DOCK3: variants seen among roughly 807,000 people sequenced by gnomAD.
The protein encoded by DOCK3 is dedicator of cytokinesis 3, also known as dedicator of cytokinesis protein 3.
In DOCK3, 60 loss-of-function variants were observed where a neutral mutation model predicts 265.6. That is an observed-to-expected ratio of 0.23 (90% CI 0.18 to 0.28). The LOEUF (loss-of-function observed/expected upper bound fraction) is 0.28, where lower values mean the gene tolerates loss of function less well. DOCK3 is among the 10% of genes least tolerant of loss of function. DOCK3 has a pLI of 1.00. For synonymous variants in DOCK3, 881 were observed against 938.0 expected, an observed-to-expected ratio of 0.94 and a Z score of 1.11; for missense variants, 1,981 against 2,594.3, an observed-to-expected ratio of 0.76 and a Z score of 5.14.
At chr3:50,685,888 G>C (rs1376484366) in intron 1 of DOCK3, 1 of 153,692 alleles carries the variant, frequency 6.5e-6, no homozygotes, top group Non-Finnish European at 1.5e-5. Flanking sequence ...TAATTGAGTT[G>C]TTTGGTTTTT....
chr3:51,304,251 C>T (rs2082521903), intron 27 of DOCK3, among the ~76,000 whole-genome samples: 2 of 152,058 alleles, frequency 1.3e-5, no homozygotes, highest in African/African-American at 2.4e-5. Context: ...TCCCCAGCAC[C>T]AGCAGGGGAA....
chr3:51,219,311 CTCTG>C (rs1250770726), intron 14 of DOCK3, among the ~76,000 whole-genome samples: 1 of 152,138 alleles, frequency 6.6e-6, no homozygotes, highest in Admixed American at 6.5e-5. Flanking sequence ...CTTTTGTGTG[CTCTG>C]TCTGCTTATT....
chr3:51,239,094 T>C (rs1226461326), intron 21 of DOCK3, among the ~76,000 whole-genome samples: 1 of 152,244 alleles, frequency 6.6e-6, no homozygotes. Flanking sequence ...TAAGCATTCA[T>C]TTTTCTCTGC....
intron 12 of DOCK3, among the ~76,000 whole-genome samples, chr3:51,175,169 C>T (rs1184076545): frequency 6.6e-6 from 1 of 152,190 alleles, no homozygotes; most frequent in Non-Finnish European, 1.5e-5. Flanking sequence ...TCAGGCTTGC[C>T]TCCAGTGGCA....
At chr3:50,884,868 T>C (rs2048247065) in intron 3 of DOCK3, among the ~76,000 whole-genome samples, 1 of 152,166 alleles carries the variant, frequency 6.6e-6, no homozygotes, top group South Asian at 2.1e-4. Flanking sequence ...TTTGTTATAA[T>C]GGATGAACCA....
Position 51,382,749 on chromosome 3 carries a change from T to C in DOCK3, c.*1190T>C, listed in dbSNP as rs956941299. Reference sequence around the variant, plus strand: ...AGGCCATGGGGACCACCACTCAGGGTTCGGGGCTGGCAGGAGGGTAGTTTC... The same window carrying C: ...AGGCCATGGGGACCACCACTCAGGGCTCGGGGCTGGCAGGAGGGTAGTTTC... On this transcript the variant is annotated 3_prime_UTR_variant, in exon 53 of 53. Coordinates refer to ENST00000266037, the MANE Select transcript of DOCK3 (RefSeq NM_004947.5). 3 of 152,546 alleles carry C rather than the reference T, an allele frequency of 2.0e-5. No individual in the cohort carries two copies. Among genetic ancestry groups the C allele is most frequent in the Middle Eastern group, 6.8e-3 (2 of 294 alleles). The allele number at this position is 152,546 out of a possible 1,614,324, so 9.4% of individuals were successfully genotyped here. A position where few individuals can be genotyped will look rare whatever the true frequency, so the allele number is the denominator to read the frequency against.
At chr3:50,872,759 C>G (rs1039104435) in intron 3 of DOCK3, among the ~76,000 whole-genome samples, 2 of 152,166 alleles carry the variant, frequency 1.3e-5, no homozygotes, top group African/African-American at 4.8e-5. Flanking sequence ...CACAAGACAC[C>G]ATCCTTCCCC....
intron 43 of DOCK3, 59 bp downstream of exon 43, chr3:51,356,552 G>C: frequency 6.4e-7 from 1 of 1,554,002 alleles, no homozygotes; most frequent in East Asian, 2.2e-5. Context: ...CCCAGCTCTG[G>C]GGGCCCTTCT....
chr3:51,045,910 C>T (rs2080758688), intron 5 of DOCK3, among the ~76,000 whole-genome samples: 1 of 151,662 alleles, frequency 6.6e-6, no homozygotes, highest in South Asian at 2.1e-4. Context: ...TATAGATTTC[C>T]AGGATGTTTA....
intron 5 of DOCK3, among the ~76,000 whole-genome samples, chr3:51,001,279 C>T (rs1329199285): frequency 6.6e-6 from 1 of 152,224 alleles, no homozygotes. Context: ...AAAAGACTGA[C>T]TTTCCTGTAA....
intron 5 of DOCK3, among the ~76,000 whole-genome samples, chr3:50,993,461 G>A (rs2078178247): frequency 6.6e-6 from 1 of 152,128 alleles, no homozygotes. Context: ...GGAATGACTG[G>A]AAATAGAAAT....
Position 51,381,006 on chromosome 3 carries a change from G to C in DOCK3, c.5584-44G>C, listed in dbSNP as rs370254369. ...CTTCCTATGGCGGGCAAGTCAGCCT[G>C]TCTGGAGAGAGGGATTCTAACATGC... is the stretch of plus-strand genomic sequence containing the variant. On this transcript the variant is annotated intron_variant, in intron 52 of 52. Transcript: ENST00000266037. The surrounding 1 kb of genome is among the most constrained non-coding windows in gnomAD (Gnocchi z 5.6). The C allele has an allele frequency of 1.9e-5, 30 of 1,542,164 alleles. No individual in the cohort carries two copies. In the African/African-American group the frequency reaches 2.0e-4, roughly 10 times the overall value.
In DOCK3 at chr3:50,846,656, G is replaced by GT. The variant is rs2046098559; in HGVS notation, c.162+4947dup. Among the ~76,000 whole-genome samples, 5 of 152,102 alleles carry GT rather than the reference G, an allele frequency of 3.3e-5. No individual in the cohort carries two copies. In the South Asian group the frequency reaches 1.0e-3, roughly 32 times the overall value. On this transcript the variant is annotated intron_variant, in intron 3 of 52. Coordinates refer to ENST00000266037, the MANE Select transcript of DOCK3 (RefSeq NM_004947.5). ...GTCCAGGACTTGCTTTGGTTGATAG[G>GT]TTTTTTATTACTGATTCAATTTTTG...
intron 32 of DOCK3, among the ~76,000 whole-genome samples, chr3:51,327,542 T>TA (rs1180573489): frequency 1.3e-5 from 2 of 152,206 alleles, no homozygotes; most frequent in Non-Finnish European, 2.9e-5. Context: ...TTGTTTGACT[T>TA]ACAGATGTTG....
chr3:50,825,395 G>A (rs184865085), intron 2 of DOCK3, among the ~76,000 whole-genome samples: 2 of 152,252 alleles, frequency 1.3e-5, no homozygotes, highest in East Asian at 3.9e-4. Flanking sequence ...ATCCTCAAAA[G>A]GCATAATGAC....
chr3:51,267,055 A>G (rs1015888655), intron 23 of DOCK3, among the ~76,000 whole-genome samples: 3 of 152,222 alleles, frequency 2.0e-5, no homozygotes, highest in African/African-American at 2.4e-5. Flanking sequence ...CAGCCAACCA[A>G]CATATGAAAA....
At chr3:50,919,071 A>AGATGTGTG (rs2050289079) in intron 4 of DOCK3, among the ~76,000 whole-genome samples, 1 of 152,120 alleles carries the variant, frequency 6.6e-6, no homozygotes, top group Non-Finnish European at 1.5e-5. Context: ...AGATGGTTGT[A>AGATGTGTG]GATGTGTGGT....
chr3:51,324,154 A>G (rs899471065), intron 32 of DOCK3, among the ~76,000 whole-genome samples: 1 of 152,248 alleles, frequency 6.6e-6, no homozygotes, highest in African/African-American at 2.4e-5. Flanking sequence ...TGCAGATGAC[A>G]TGATTGTGTA....
intron 9 of DOCK3, among the ~76,000 whole-genome samples, chr3:51,130,228 G>A (rs2084462056): frequency 6.6e-6 from 1 of 152,196 alleles, no homozygotes. Flanking sequence ...GCAGCATAAT[G>A]GTCATCAATG....
Sources: gnomAD v4.1 joint callset for allele counts (sites outside exome capture counted in the v4.1 genomes callset) on GRCh38, gnomAD v4.1.1 for gene constraint, Gnocchi (gnomAD v3.1) non-coding constraint, MANE v1.5 for transcripts, NCBI Gene and HGNC (gene_info 2026-07-23, HGNC 2026-07-21) for gene names.